Variants in LRP1B observed in about 807,000 individuals in gnomAD.
The protein encoded by LRP1B is low-density lipoprotein receptor-related protein 1B.
A neutral mutation model predicts 556.6 loss-of-function variants in LRP1B; 217 were observed. The ratio of observed to expected loss-of-function variants is 0.39; its 90% CI spans 0.35 to 0.44. The LOEUF (loss-of-function observed/expected upper bound fraction) is 0.44. Ranked by LOEUF, LRP1B falls within the 20% of genes least tolerant of loss-of-function variation. LRP1B has a pLI of 1.00. For synonymous variants in LRP1B, 2,047 were observed against 1,865.8 expected (o/e 1.10, Z -2.50); for missense variants, 5,053 against 5,620.8 (o/e 0.90, Z 3.23).
At chr2:141,994,886 C>T (rs959759924) in intron 1 of LRP1B, among the ~76,000 whole-genome samples, 3 of 152,016 alleles carry the variant, frequency 2.0e-5, no homozygotes, top group Non-Finnish European at 4.4e-5. Context: ...TCCTAATATC[C>T]TACAGCTGCC....
At chr2:141,277,079 G>A (rs1685328031) in intron 3 of LRP1B, among the ~76,000 whole-genome samples, 1 of 152,170 alleles carries the variant, frequency 6.6e-6, no homozygotes, top group African/African-American at 2.4e-5. Context: ...TTGCTATTAT[G>A]AATAGTGCTG....
intron 1 of LRP1B, among the ~76,000 whole-genome samples, chr2:142,116,654 G>C (rs1707286520): frequency 1.3e-5 from 2 of 152,242 alleles, no homozygotes; most frequent in South Asian, 4.2e-4. Flanking sequence ...TATGTATTAT[G>C]TTAGTATCTG....
intron 2 of LRP1B, among the ~76,000 whole-genome samples, chr2:141,571,442 G>A (rs962967603): frequency 6.6e-6 from 1 of 151,694 alleles, no homozygotes; most frequent in Non-Finnish European, 1.5e-5. Context: ...CTCAAAGACC[G>A]AAACTAGACA....
intron 1 of LRP1B, among the ~76,000 whole-genome samples, chr2:142,030,428 G>A (rs13430581): frequency 0.16 from 24,861 of 151,746 alleles, 2,308 homozygotes; most frequent in Middle Eastern, 0.35. Context: ...TTCATCCTTG[G>A]CTCATTATAT....
At chr2:141,591,941 C>T (rs1275044785) in intron 2 of LRP1B, among the ~76,000 whole-genome samples, 1 of 152,080 alleles carries the variant, frequency 6.6e-6, no homozygotes, top group Admixed American at 6.6e-5. Context: ...CCCAATTGTT[C>T]AGAATCTATG....
rs70994477 is a variant in LRP1B, at chr2:142,116,192, C to CAAA, written c.82+14453_82+14455dup. Among the ~76,000 whole-genome samples the CAAA allele has an allele frequency of 3.1e-3, 199 of 65,208 alleles. 3 individuals carry two copies. Among genetic ancestry groups the CAAA allele is most frequent in the East Asian group, 4.0e-3 (8 of 2,016 alleles). The allele number at this position is 65,208 out of a possible 152,430, so 42.8% of individuals were successfully genotyped here. A position where few individuals can be genotyped will look rare whatever the true frequency, so the allele number is the denominator to read the frequency against. On this transcript the variant is annotated intron_variant, in intron 1 of 90. Coordinates refer to ENST00000389484, the MANE Select transcript of LRP1B (RefSeq NM_018557.3). ...TGGGTGACAGAGCGAGAGTCTGTCT[C>CAAA]AAAAAAAAAAAAAAAAAAAAAAAGA...
intron 6 of LRP1B, among the ~76,000 whole-genome samples, chr2:141,228,369 G>A (rs1683325255): frequency 6.6e-6 from 1 of 152,020 alleles, no homozygotes; most frequent in African/African-American, 2.4e-5. Flanking sequence ...GAGAGAGAAG[G>A]AGAGAGAGAA....
intron 59 of LRP1B, among the ~76,000 whole-genome samples, chr2:140,481,448 T>C (rs1473567037): frequency 1.3e-5 from 2 of 152,054 alleles, no homozygotes; most frequent in Non-Finnish European, 2.9e-5. Flanking sequence ...TGTGCCTATC[T>C]AAACTATAAG....
intron 3 of LRP1B, among the ~76,000 whole-genome samples, chr2:141,378,859 C>T (rs1419021290): frequency 1.3e-5 from 2 of 152,100 alleles, no homozygotes; most frequent in African/African-American, 4.8e-5. Flanking sequence ...GAAGAATGAA[C>T]AGACACTAAG....
intron 7 of LRP1B, among the ~76,000 whole-genome samples, chr2:141,075,876 C>T (rs1269914206): frequency 6.6e-6 from 1 of 152,184 alleles, no homozygotes; most frequent in Non-Finnish European, 1.5e-5. Context: ...TTAACTACAG[C>T]ACAGCTTTCT....
At chr2:141,787,686 CA>C (rs1479528990) in intron 2 of LRP1B, among the ~76,000 whole-genome samples, 61 of 151,638 alleles carry the variant, frequency 4.0e-4, no homozygotes, top group Non-Finnish European at 1.5e-5. Context: ...AGGCATTTAT[CA>C]AACCTTTATA....
chr2:140,935,136 T>C (rs2105277395), intron 20 of LRP1B, among the ~76,000 whole-genome samples: 1 of 152,188 alleles, frequency 6.6e-6, no homozygotes, highest in South Asian at 2.1e-4. Context: ...GAAGAGTATA[T>C]TATTCAAAGA....
chr2:140,444,427 A>G lies in LRP1B; in HGVS notation c.10197T>C (p.Gly3399=), dbSNP rs1004953302. The change falls in exon 65 of 91, where the codon GGT becomes GGC. Residue 3399 remains glycine, a synonymous_variant. Transcript: ENST00000389484. The stretch of plus-strand genomic sequence containing the variant: ...TCTGGTTCTTGGTACATTTGAATTG[A>G]CCTGACAGGCAGACATGTGTGTCTA... ...LNCDTHVCLS[G]QFKCTKNQKC... 3.1e-6 allele frequency: 5 copies of G among 1,613,850 alleles called. No individual in the cohort carries two copies. In the African/African-American group the frequency reaches 6.7e-5, roughly 22 times the overall value.
intron 33 of LRP1B, among the ~76,000 whole-genome samples, chr2:140,773,655 T>C (rs1239090966): frequency 7.3e-6 from 1 of 137,872 alleles, no homozygotes; most frequent in African/African-American, 2.8e-5. Flanking sequence ...GAGAACTATA[T>C]TTTTGATAAA....
intron 66 of LRP1B, among the ~76,000 whole-genome samples, chr2:140,395,936 G>A (rs551785561): frequency 2.3e-4 from 34 of 148,472 alleles, no homozygotes; most frequent in African/African-American, 7.0e-4. Flanking sequence ...TGAAGTGAGT[G>A]GGGGGGAAGG....
chr2:141,920,775 C>T (rs1700164432), intron 1 of LRP1B, among the ~76,000 whole-genome samples: 2 of 152,080 alleles, frequency 1.3e-5, no homozygotes, highest in South Asian at 4.1e-4. Context: ...GGAACTTTGT[C>T]ATTAATATTA....
At chr2:140,553,786 A>G (rs1217701771) in intron 43 of LRP1B, among the ~76,000 whole-genome samples, 1 of 152,068 alleles carries the variant, frequency 6.6e-6, no homozygotes, top group Non-Finnish European at 1.5e-5. Context: ...TGAAAGGCCA[A>G]TGAGCTGGAG....
chr2:141,500,357 G>A (rs1683669614), intron 2 of LRP1B, among the ~76,000 whole-genome samples: 1 of 152,122 alleles, frequency 6.6e-6, no homozygotes, highest in East Asian at 1.9e-4. Context: ...TCTTTTCTGT[G>A]AAGCTCCTGT....
intron 2 of LRP1B, among the ~76,000 whole-genome samples, chr2:141,810,053 A>C (rs1355651541): frequency 6.6e-6 from 1 of 151,694 alleles, no homozygotes; most frequent in Non-Finnish European, 1.5e-5. Flanking sequence ...ATTTAAAAAA[A>C]AACACAAACA....
Sources: gnomAD v4.1 joint callset for allele counts (sites outside exome capture counted in the v4.1 genomes callset) on GRCh38, gnomAD v4.1.1 for gene constraint, MANE v1.5 for transcripts, NCBI Gene and HGNC (gene_info 2026-07-23, HGNC 2026-07-21) for gene names.